Variants in WDSUB1 observed in about 807,000 individuals in gnomAD.
WDSUB1 encodes the protein WD repeat, sterile alpha motif and U-box domain containing 1.
WDSUB1 carries 49 observed loss-of-function variants against 53.9 expected under a neutral mutation model. The ratio of observed to expected loss-of-function variants is 0.91; its 90% confidence interval spans 0.72 to 1.15. The LOEUF is 1.15. WDSUB1 is among the 50% of genes most tolerant of loss of function. The pLI is 0.00. For missense variants in WDSUB1, 514 were observed against 562.0 expected, an observed-to-expected ratio of 0.91 and a Z score of 0.86; for synonymous variants, 194 against 200.6, an observed-to-expected ratio of 0.97 and a Z score of 0.28.
At chr2:159,271,041 T>A (rs11885167) in intron 5 of WDSUB1, among the ~76,000 whole-genome samples, 22,925 of 152,088 alleles carry the variant, frequency 0.15, 3,481 homozygotes, top group African/African-American at 0.38. Flanking sequence ...TACACACTCA[T>A]CAGAACGGCT....
chr2:159,247,025 A>T (rs1043500256), intron 10 of WDSUB1, among the ~76,000 whole-genome samples: 1 of 152,196 alleles, frequency 6.6e-6, no homozygotes, highest in Admixed American at 6.5e-5. Flanking sequence ...CCTCTCAATA[A>T]ATTGAGACAG....
intron 1 of WDSUB1, among the ~76,000 whole-genome samples, chr2:159,284,271 C>T (rs564197054): frequency 1.3e-5 from 2 of 152,338 alleles, no homozygotes; most frequent in South Asian, 4.1e-4. Flanking sequence ...TGTCAAATAA[C>T]TTCAAACTGA....
chr2:159,272,874 C>A (rs549685681), intron 4 of WDSUB1, among the ~76,000 whole-genome samples: 1 of 152,054 alleles, frequency 6.6e-6, no homozygotes, highest in Non-Finnish European at 1.5e-5. Context: ...ATATAAACAT[C>A]ACAACTACTT....
chr2:159,247,916 TATATATATATAAATATATATATATATAA>T lies in WDSUB1; in HGVS notation c.1273+428_1273+455del, dbSNP rs1197237668. 9.9e-3 allele frequency among the ~76,000 whole-genome samples: 726 copies of T among 73,474 alleles called. 25 individuals carry two copies. Among genetic ancestry groups the T allele is most frequent in the African/African-American group, 0.03 (390 of 13,202 alleles). 48.2% of individuals were successfully genotyped at this position (73,474 alleles called of 152,430 possible). On this transcript the variant is annotated intron_variant, in intron 10 of 10. Coordinates refer to ENST00000359774, the MANE Select transcript of WDSUB1 (RefSeq NM_001128212.3). ...ATATATATATATATATATAAATATA[TATATATATATAAATATATATATATATAA>T]AATTTGGATTCACTGATTACAACTA...
intron 2 of WDSUB1, among the ~76,000 whole-genome samples, chr2:159,280,895 T>C (rs903990891): frequency 6.6e-6 from 1 of 152,150 alleles, no homozygotes; most frequent in Non-Finnish European, 1.5e-5. Flanking sequence ...CAGCAGGGTA[T>C]CTATCATTTA....
At chr2:159,258,108 A>AT (rs2061109365) in intron 6 of WDSUB1, 123 bp from the exon 7 acceptor site, 1 of 819,750 alleles carries the variant, frequency 1.2e-6, no homozygotes, top group East Asian at 2.6e-5. Context: ...AGTAACTAAC[A>AT]TAAGTTGAAA....
chr2:159,244,653 A>T (rs1422516603), intron 10 of WDSUB1, among the ~76,000 whole-genome samples: 1 of 152,234 alleles, frequency 6.6e-6, no homozygotes, highest in Non-Finnish European at 1.5e-5. Flanking sequence ...GGCCAGGCTC[A>T]GTGGCTCACA....
chr2:159,283,516 C>G (rs1342957377), intron 1 of WDSUB1, among the ~76,000 whole-genome samples: 1 of 152,084 alleles, frequency 6.6e-6, no homozygotes, highest in African/African-American at 2.4e-5. Flanking sequence ...TTGCAGTGAG[C>G]TGATATCGTG....
chr2:159,247,910 A>AT (rs2060846247), intron 10 of WDSUB1, among the ~76,000 whole-genome samples: 1 of 17,682 alleles, frequency 5.7e-5, no homozygotes, highest in African/African-American at 1.5e-4. Context: ...TATATATATA[A>AT]ATATATATAT....
intron 5 of WDSUB1, among the ~76,000 whole-genome samples, chr2:159,264,936 T>C (rs538568479): frequency 3.3e-5 from 5 of 151,784 alleles, no homozygotes; most frequent in South Asian, 2.1e-4. Context: ...ATACAAAAAT[T>C]AGCCAGGCAT....
chr2:159,277,224 T>C (rs1317378767), intron 3 of WDSUB1, among the ~76,000 whole-genome samples: 1 of 152,256 alleles, frequency 6.6e-6, no homozygotes, highest in Non-Finnish European at 1.5e-5. Flanking sequence ...ATAGCATTTT[T>C]GTTTCTTTCT....
At position 159,272,521 on chromosome 2, in the gene WDSUB1, T is replaced by C. The variant is rs117277807; in HGVS notation, c.677-726A>G. Among the ~76,000 whole-genome samples the C allele has an allele frequency of 5.2e-3, 795 of 152,308 alleles. 11 individuals are homozygous for C. Among genetic ancestry groups the C allele is most frequent in the East Asian group, 0.044 (227 of 5,186 alleles). On this transcript the variant is annotated intron_variant, in intron 4 of 10. Coordinates refer to ENST00000359774, the MANE Select transcript of WDSUB1 (RefSeq NM_001128212.3). Reference sequence around the variant, plus strand: ...CTTGTGTTTGTTACCCTGTCTCACATTTCAAAAGCTCAGTAATGGATTTTA... The same window carrying C: ...CTTGTGTTTGTTACCCTGTCTCACACTTCAAAAGCTCAGTAATGGATTTTA...
rs2061153443 is a variant in WDSUB1, at chr2:159,259,956, A to C, written c.771-113T>G. Reference sequence around the variant, plus strand: ...ACTTTTCTAGAAAAGACAGATATTAACATACATTTAGAATGCAATCCTTTT... The same window carrying C: ...ACTTTTCTAGAAAAGACAGATATTACCATACATTTAGAATGCAATCCTTTT... On this transcript the variant is annotated intron_variant, in intron 5 of 10. Transcript: ENST00000359774. The C allele has an allele frequency of 9.8e-6, 11 of 1,126,272 alleles. No homozygotes were observed. In the Admixed American group the frequency reaches 2.9e-4, roughly 30 times the overall value. 69.8% of individuals were successfully genotyped at this position (1,126,272 alleles called of 1,614,324 possible).
intron 5 of WDSUB1, among the ~76,000 whole-genome samples, chr2:159,266,702 CAGA>C (rs2061354880): frequency 6.6e-6 from 1 of 152,206 alleles, no homozygotes; most frequent in African/African-American, 2.4e-5. Context: ...TTAGAAGTTT[CAGA>C]AGTTCTCCTA....
chr2:159,239,546 TGAGA>T (rs1410152290), intron 10 of WDSUB1, among the ~76,000 whole-genome samples: 2 of 134,036 alleles, frequency 1.5e-5, no homozygotes, highest in East Asian at 2.8e-4. Flanking sequence ...AAACAATAGC[TGAGA>T]GAGAGCATCC....
chr2:159,258,256 C>T (rs566321922), intron 6 of WDSUB1, among the ~76,000 whole-genome samples: 23 of 152,322 alleles, frequency 1.5e-4, no homozygotes, highest in African/African-American at 5.5e-4. Flanking sequence ...TTGGCATTTG[C>T]TCATCTGTTT....
chr2:159,243,988 C>A (rs1227762284), intron 10 of WDSUB1, among the ~76,000 whole-genome samples: 1 of 151,988 alleles, frequency 6.6e-6, no homozygotes, highest in African/African-American at 2.4e-5. Context: ...ACGTTATGAT[C>A]CAATAGCAAA....
At chr2:159,249,932 G>GA (rs958310280) in intron 9 of WDSUB1, among the ~76,000 whole-genome samples, 2 of 148,840 alleles carry the variant, frequency 1.3e-5, no homozygotes, top group Admixed American at 6.7e-5. Context: ...AAGAAAGAAA[G>GA]AAAAAAAATA....
rs114217610 is a variant in WDSUB1 at position 159,257,898 on chromosome 2, G to A, written c.846-34C>T. ...TAAAAACAACTATTATGTATCTTCT[G>A]ACTAATTTTTAAATTATATTAATAC... On this transcript the variant is annotated intron_variant, in intron 7 of 10. Coordinates refer to ENST00000359774, the MANE Select transcript of WDSUB1 (RefSeq NM_001128212.3). 7.3e-3 allele frequency: 11,685 copies of A among 1,609,830 alleles called. 784 individuals are homozygous for A. The African/African-American group carries it at 0.14, about 19-fold the overall frequency.
Sources: allele counts gnomAD v4.1 joint callset (sites outside exome capture counted in the v4.1 genomes callset), GRCh38; gene constraint gnomAD v4.1.1; transcripts MANE v1.5; gene names NCBI Gene and HGNC (gene_info 2026-07-23, HGNC 2026-07-21).